Variants in FUT9 observed in about 807,000 individuals in gnomAD.
FUT9 encodes the protein fucosyltransferase 9, also known as 4-galactosyl-N-acetylglucosaminide 3-alpha-L-fucosyltransferase 9.
FUT9 carries 15 observed loss-of-function variants against 29.7 expected under a neutral mutation model. The ratio of observed to expected loss-of-function variants is 0.51; its 90% CI spans 0.34 to 0.78. FUT9 has a LOEUF of 0.78. Ranked by LOEUF, FUT9 falls within the 30% of genes least tolerant of loss-of-function variation. The probability of loss-of-function intolerance (pLI) is 0.01; values close to 1 mark genes in which losing one functional copy is unlikely to be tolerated. For synonymous variants in FUT9, 169 were observed against 153.7 expected, an observed-to-expected ratio of 1.10 and a Z score of -0.74; for missense variants, 319 against 425.4, an observed-to-expected ratio of 0.75 and a Z score of 2.20.
intron 1 of FUT9, among the ~76,000 whole-genome samples, chr6:96,079,335 C>T (rs1771197144): frequency 6.6e-6 from 1 of 152,152 alleles, no homozygotes; most frequent in Non-Finnish European, 1.5e-5. Context: ...CTCCCTCTCT[C>T]TAGGTATTTA....
At chr6:96,148,179 AG>A (rs1269659651) in intron 2 of FUT9, among the ~76,000 whole-genome samples, 4 of 152,206 alleles carry the variant, frequency 2.6e-5, no homozygotes, top group African/African-American at 4.8e-5. Flanking sequence ...TTAGTGCAAT[AG>A]ACTTATCACT....
rs1770141224 is a variant in FUT9 at position 96,025,136 on chromosome 6, A to G, written c.-98+8924A>G. On this transcript the variant is annotated intron_variant, in intron 1 of 2. Coordinates refer to ENST00000302103, the MANE Select transcript of FUT9 (RefSeq NM_006581.4). ...TCTGGCTACAGATTTCCCTTTTCAC[A>G]CTCAATATATGTACACATTACTCTT... Among the ~76,000 whole-genome samples the G allele has an allele frequency of 8.6e-5, 13 of 151,616 alleles. No homozygotes were observed. The South Asian group carries it at 2.7e-3, about 32-fold the overall frequency.
intron 1 of FUT9, among the ~76,000 whole-genome samples, chr6:96,079,046 C>T (rs1771191144): frequency 6.6e-6 from 1 of 152,118 alleles, no homozygotes; most frequent in African/African-American, 2.4e-5. Context: ...TGCTGCCTTC[C>T]TGTATTTGGC....
intron 2 of FUT9, among the ~76,000 whole-genome samples, chr6:96,193,487 T>A (rs4318887): frequency 7.6e-6 from 1 of 131,994 alleles, no homozygotes; most frequent in South Asian, 2.6e-4. Context: ...GAAATGCAAA[T>A]CAAAACAACA....
chr6:96,204,172 T>C lies in FUT9; in HGVS notation c.1017T>C (p.Asp339=). The change falls in exon 3 of 3, where the codon GAT becomes GAC. Residue 339 remains aspartate (D), a synonymous_variant. Coordinates refer to ENST00000302103, the MANE Select transcript of FUT9 (RefSeq NM_006581.4). Reference sequence around the variant, plus strand: ...AATCACATGCATGTTTGGCTTGCGATCATGTGAAAAGGCATCAAGAATATA... The same window carrying C: ...AATCACATGCATGTTTGGCTTGCGACCATGTGAAAAGGCATCAAGAATATA... The part of the protein sequence containing the change: ...FWESHACLAC[D]HVKRHQEYKS... The C allele has an allele frequency of 2.0e-6, 3 of 1,493,552 alleles. No homozygotes were observed. The South Asian group carries it at 4.4e-5, about 22-fold the overall frequency. 92.5% of individuals were successfully genotyped at this position (1,493,552 alleles called of 1,614,324 possible). A position where few individuals can be genotyped will look rare whatever the true frequency, so the allele number is the denominator to read the frequency against.
intron 2 of FUT9, among the ~76,000 whole-genome samples, chr6:96,173,632 A>G (rs1017762019): frequency 6.6e-6 from 1 of 152,092 alleles, no homozygotes; most frequent in Non-Finnish European, 1.5e-5. Context: ...ACTGGTGACT[A>G]TTTTATCAGA....
chr6:96,182,821 C>T (rs1582291216), intron 2 of FUT9, among the ~76,000 whole-genome samples: 1 of 152,020 alleles, frequency 6.6e-6, no homozygotes, highest in South Asian at 2.1e-4. Flanking sequence ...AAACCAGTAC[C>T]AGGCTGTTCT....
At chr6:96,138,127 G>A (rs1217639733) in intron 2 of FUT9, among the ~76,000 whole-genome samples, 2 of 152,108 alleles carry the variant, frequency 1.3e-5, no homozygotes, top group Non-Finnish European at 2.9e-5. Context: ...GCTACTAAAA[G>A]GCATAAACCC....
At chr6:96,112,664 G>A (rs1049498160) in intron 1 of FUT9, among the ~76,000 whole-genome samples, 7 of 152,150 alleles carry the variant, frequency 4.6e-5, no homozygotes, top group African/African-American at 9.7e-5. Flanking sequence ...GTGTGTGTGC[G>A]CAAGCGTGTG....
At chr6:96,047,606 T>A (rs1770586069) in intron 1 of FUT9, among the ~76,000 whole-genome samples, 1 of 152,182 alleles carries the variant, frequency 6.6e-6, no homozygotes, top group African/African-American at 2.4e-5. Flanking sequence ...AGAAAGGAAA[T>A]GCATTTCTCA....
intron 1 of FUT9, among the ~76,000 whole-genome samples, chr6:96,108,434 C>G (rs975372953): frequency 2.6e-5 from 4 of 152,136 alleles, no homozygotes; most frequent in African/African-American, 9.7e-5. Flanking sequence ...TGGAATAGTA[C>G]TACTTCATAA....
At chr6:96,201,465 A>G (rs2127991101) in intron 2 of FUT9, among the ~76,000 whole-genome samples, 1 of 152,018 alleles carries the variant, frequency 6.6e-6, no homozygotes, top group African/African-American at 2.4e-5. Context: ...CCCTTACCTT[A>G]ACATTTTTCC....
intron 2 of FUT9, among the ~76,000 whole-genome samples, chr6:96,129,965 T>C (rs945288257): frequency 2.0e-5 from 3 of 152,094 alleles, no homozygotes; most frequent in African/African-American, 7.2e-5. Flanking sequence ...TTCAAAAAAA[T>C]TAATTTTACC....
At chr6:96,106,957 G>T (rs1184667548) in intron 1 of FUT9, among the ~76,000 whole-genome samples, 2 of 152,162 alleles carry the variant, frequency 1.3e-5, no homozygotes, top group Non-Finnish European at 2.9e-5. Flanking sequence ...AGCACTTTAT[G>T]TATGTCTGCC....
intron 1 of FUT9, among the ~76,000 whole-genome samples, chr6:96,100,061 T>G (rs976064111): frequency 8.5e-5 from 13 of 152,240 alleles, no homozygotes; most frequent in Admixed American, 5.2e-4. Context: ...TATTATTCAT[T>G]AAGATTTACA....
chr6:96,124,289 C>A (rs920417174), intron 2 of FUT9, among the ~76,000 whole-genome samples: 28 of 151,498 alleles, frequency 1.8e-4, no homozygotes, highest in African/African-American at 6.8e-4. Context: ...GTAGCTGGAA[C>A]TAAAGGCGCC....
At chr6:96,037,162 A>G (rs1385306601) in intron 1 of FUT9, 2 of 151,972 alleles carry the variant, frequency 1.3e-5, no homozygotes, top group African/African-American at 4.8e-5. Flanking sequence ...TTTTCTGGAG[A>G]GTTAACAGTT....
chr6:96,158,626 A>G (rs1194914488), intron 2 of FUT9, among the ~76,000 whole-genome samples: 1 of 152,080 alleles, frequency 6.6e-6, no homozygotes, highest in Non-Finnish European at 1.5e-5. Flanking sequence ...GCTCTCAGAT[A>G]AGAAACTTGC....
chr6:96,204,130 T>A lies in FUT9; in HGVS notation c.975T>A (p.Asn325Lys). 6.7e-7 allele frequency: 1 copy of A among 1,497,818 alleles called. No homozygotes were observed. Among genetic ancestry groups the A allele is most frequent in the East Asian group, 2.3e-5 (1 of 43,842 alleles). 92.8% of individuals were successfully genotyped at this position (1,497,818 alleles called of 1,614,324 possible). The change falls in exon 3 of 3, where the codon AAT becomes AAA. Residue 325 changes from asparagine to lysine, a missense_variant. By Grantham distance (94) the Asn-to-Lys change is moderately conservative. Coordinates refer to ENST00000302103, the MANE Select transcript of FUT9 (RefSeq NM_006581.4). Reference sequence around the variant, plus strand: ...ACTGGAGGAAGGATTTCACTGTAAATCTTCCACGATTTTGGGAATCACATG... The same window carrying A: ...ACTGGAGGAAGGATTTCACTGTAAAACTTCCACGATTTTGGGAATCACATG... ...YFNWRKDFTV[N>K]LPRFWESHAC...
Sources: allele counts gnomAD v4.1 joint callset (sites outside exome capture counted in the v4.1 genomes callset), GRCh38; gene constraint gnomAD v4.1.1; transcripts MANE v1.5; gene names NCBI Gene and HGNC (gene_info 2026-07-23, HGNC 2026-07-21).